CLN6: variants seen among roughly 807,000 people sequenced by gnomAD.
The protein encoded by CLN6 is CLN6 transmembrane ER protein.
In CLN6, 22 loss-of-function variants were observed where a neutral mutation model predicts 33.3. That is an observed-to-expected ratio of 0.66 (90% confidence interval 0.47 to 0.94). The LOEUF is 0.94. Among genes scored for constraint, CLN6 ranks in the 40% least tolerant of loss-of-function variants. CLN6 has a pLI of 0.00. For missense variants in CLN6, 387 were observed against 417.1 expected (o/e 0.93, Z 0.63); for synonymous variants, 201 against 174.6 (o/e 1.15, Z -1.19).
Position 68,207,857 on chromosome 15 carries a change from C to T in CLN6, c.*283G>A. 4.2e-6 allele frequency: 2 copies of T among 478,720 alleles called. No homozygotes were observed. Among genetic ancestry groups the T allele is most frequent in the Non-Finnish European group, 7.7e-6 (2 of 260,936 alleles). The allele number at this position is 478,720 out of a possible 1,614,324, so 29.7% of individuals were successfully genotyped here. On this transcript the variant is annotated 3_prime_UTR_variant, in exon 7 of 7. Coordinates refer to ENST00000249806, the MANE Select transcript of CLN6 (RefSeq NM_017882.3). Reference sequence around the variant, plus strand: ...GGTCAGGTGCAGAGGAGGGCAGGGGCCCGGATCCTGGCCCAGAAACACTCT... The same window carrying T: ...GGTCAGGTGCAGAGGAGGGCAGGGGTCCGGATCCTGGCCCAGAAACACTCT...
At chr15:68,244,971 T>A (rs2141163860) in intron 1 of CLN6, among the ~76,000 whole-genome samples, 1 of 138,382 alleles carries the variant, frequency 7.2e-6, no homozygotes, top group Admixed American at 8.1e-5. Context: ...GGAGAATCAC[T>A]GGGTTGCAAG....
chr15:68,224,249 G>T (rs371530836), intron 1 of CLN6, among the ~76,000 whole-genome samples: 1 of 108,032 alleles, frequency 9.3e-6, no homozygotes, highest in African/African-American at 3.5e-5. Context: ...CTGGGTGACA[G>T]AGTAAGACCT....
rs2093193606 is a variant in CLN6, at chr15:68,208,225, G to C, written c.851C>G (p.Pro284Arg). 1 of 1,613,792 alleles carries C rather than the reference G, an allele frequency of 6.2e-7. No homozygotes were observed. The highest frequency in any genetic ancestry group is 1.7e-5 in the Admixed American group (1 of 59,978). ...ALWVAWLWND[P>R]VLRKKYPGVI... Reference sequence around the variant, plus strand: ...ACCCGGGTACTTCTTCCTGAGAACAGGGTCATTCCACAGCCAGGCGACCCA... The same window carrying C: ...ACCCGGGTACTTCTTCCTGAGAACACGGTCATTCCACAGCCAGGCGACCCA... Residue 284 changes from proline (P) to arginine (R), a missense_variant, in exon 7 of 7, where the codon CCT becomes CGT. Physicochemically the swap from Pro to Arg is moderately radical, Grantham distance 103 (BLOSUM62 -2). Transcript: ENST00000249806. This position sits in a 1 kb window ranked among gnomAD's most constrained non-coding sequence, Gnocchi z 5.8.
At position 68,207,070 on chromosome 15, in the gene CLN6, C is replaced by A. The variant is rs2093188389; in HGVS notation, c.*1070G>T. The A allele has an allele frequency of 6.6e-6, 1 of 152,320 alleles. No homozygotes were observed. The highest frequency in any genetic ancestry group is 1.5e-5 in the Non-Finnish European group (1 of 68,118). 9.4% of individuals were successfully genotyped at this position (152,320 alleles called of 1,614,324 possible). On this transcript the variant is annotated 3_prime_UTR_variant, in exon 7 of 7. Coordinates refer to ENST00000249806, the MANE Select transcript of CLN6 (RefSeq NM_017882.3). ...GGGGCTGACACATCCCTGGGCACCA[C>A]TGTGACTTCCTGTGGGTCCCTTCCC...
At chr15:68,214,742 A>T (rs948916951) in intron 2 of CLN6, 15 of 342,538 alleles carry the variant, frequency 4.4e-5, no homozygotes, top group South Asian at 3.6e-4. Flanking sequence ...TTGTGGCACC[A>T]ACTTGCTGGG....
At position 68,256,586 on chromosome 15, in the gene CLN6, G is replaced by A. The variant is rs1222545553; in HGVS notation, c.179+104C>T. 5.4e-6 allele frequency: 3 copies of A among 550,892 alleles called. No individual in the cohort carries two copies. The highest frequency in any genetic ancestry group is 9.8e-6 in the Non-Finnish European group (3 of 307,470). The allele number at this position is 550,892 out of a possible 1,614,324, so 34.1% of individuals were successfully genotyped here. ...TACTCTCTTTGGGATCCCCACACAC[G>A]TGGCTGGCTTCAGGGGTGTGGGCAG... On this transcript the variant is annotated intron_variant, in intron 1 of 6. Coordinates refer to the CLN6 transcript ENST00000538696. This position sits in a 1 kb window ranked among gnomAD's most constrained non-coding sequence, Gnocchi z 4.1.
rs1057303709 is a variant in CLN6, at chr15:68,242,208, C to A, written c.179+14482G>T. The stretch of plus-strand genomic sequence containing the variant: ...TACAAGATAATACAGAAAATCAATT[C>A]GGAATTTATTAAATTTAACAAAGAT... On this transcript the variant is annotated intron_variant, in intron 1 of 6. Coordinates refer to the CLN6 transcript ENST00000538696. This position sits in a 1 kb window ranked among gnomAD's most constrained non-coding sequence, Gnocchi z 5.0. Among the ~76,000 whole-genome samples the A allele has an allele frequency of 1.3e-5, 2 of 152,040 alleles. No homozygotes were observed. The highest frequency in any genetic ancestry group is 1.5e-5 in the Non-Finnish European group (1 of 68,032).
upstream of CLN6, among the ~76,000 whole-genome samples, chr15:68,230,256 C>G (rs1295540605): frequency 6.6e-6 from 1 of 152,034 alleles, no homozygotes; most frequent in Admixed American, 6.5e-5. This position sits in a 1 kb window ranked among gnomAD's most constrained non-coding sequence, Gnocchi z 4.0. Flanking sequence ...GAGAAGAGTT[C>G]AGGCAGTGGC....
chr15:68,212,936 T>C (rs2093210294), intron 3 of CLN6: 1 of 152,262 alleles, frequency 6.6e-6, no homozygotes, highest in Non-Finnish European at 1.5e-5. Context: ...ATTTTCTTTT[T>C]TGAGACAGAG....
upstream of CLN6, among the ~76,000 whole-genome samples, chr15:68,230,354 C>T (rs995408267): frequency 3.3e-5 from 5 of 152,166 alleles, no homozygotes; most frequent in Admixed American, 2.6e-4. This position sits in a 1 kb window ranked among gnomAD's most constrained non-coding sequence, Gnocchi z 4.0. Flanking sequence ...CATCTTTGAA[C>T]GCATTAAGCT....
chr15:68,224,896 C>A (rs1308916941), intron 1 of CLN6, among the ~76,000 whole-genome samples: 2 of 152,174 alleles, frequency 1.3e-5, no homozygotes, highest in Non-Finnish European at 2.9e-5. Context: ...AGGTTAGACT[C>A]TTCTCTCCTT....
In CLN6 at chr15:68,218,593, G is replaced by C. The variant is rs752361718; in HGVS notation, c.141C>G (p.Leu47=). ...AARTAPFHLD[L]WFYFTLQNWV... ...AGTTCTGCAGTGTGAAGTAGAACCAGAGGTCGAGGTGGAAGGGAGCCGTGC... is the reference window on the plus strand; with the variant it reads ...AGTTCTGCAGTGTGAAGTAGAACCACAGGTCGAGGTGGAAGGGAGCCGTGC... Residue 47 remains leucine, a synonymous_variant, in exon 2 of 7, where the codon CTC becomes CTG. Transcript: ENST00000249806. The C allele has an allele frequency of 1.2e-6, 2 of 1,614,054 alleles. No individual in the cohort carries two copies. The highest frequency in any genetic ancestry group is 1.7e-6 in the Non-Finnish European group (2 of 1,179,974).
upstream of CLN6, among the ~76,000 whole-genome samples, chr15:68,233,721 C>T (rs1488312673): frequency 6.6e-6 from 1 of 152,164 alleles, no homozygotes; most frequent in Middle Eastern, 3.2e-3. The surrounding 1 kb of genome is among the most constrained non-coding windows in gnomAD (Gnocchi z 4.3). Flanking sequence ...CGAAGTGGGA[C>T]CAGGAAAACT....
Position 68,209,433 on chromosome 15 carries a change from C to A in CLN6, c.665+204G>T, listed in dbSNP as rs976714085. 1.3e-5 allele frequency among the ~76,000 whole-genome samples: 2 copies of A among 152,162 alleles called. No individual in the cohort carries two copies. Among genetic ancestry groups the A allele is most frequent in the Non-Finnish European group, 2.9e-5 (2 of 68,020 alleles). On this transcript the variant is annotated intron_variant, in intron 6 of 6. Coordinates refer to ENST00000249806, the MANE Select transcript of CLN6 (RefSeq NM_017882.3). This position sits in a 1 kb window ranked among gnomAD's most constrained non-coding sequence, Gnocchi z 4.9. Reference sequence around the variant, plus strand: ...CTCGCCCTCTCCTCCCACCTCCCTGCCACACCCAGGCCTGGGCTTCATGGA... The same window carrying A: ...CTCGCCCTCTCCTCCCACCTCCCTGACACACCCAGGCCTGGGCTTCATGGA...
At chr15:68,217,511 T>C (rs1480084329) in intron 2 of CLN6, among the ~76,000 whole-genome samples, 2 of 152,224 alleles carry the variant, frequency 1.3e-5, no homozygotes, top group African/African-American at 2.4e-5. Context: ...ATTATAGGCA[T>C]GAGCCACCAT....
chr15:68,230,667 A>T (rs77588007), upstream of CLN6, among the ~76,000 whole-genome samples: 1,744 of 152,228 alleles, frequency 0.011, 32 homozygotes, highest in African/African-American at 0.04. This position sits in a 1 kb window ranked among gnomAD's most constrained non-coding sequence, Gnocchi z 4.0. Context: ...ACTACATTGG[A>T]GTTGTGATGA....
Position 68,211,791 on chromosome 15 carries a change from C to T in CLN6, c.370G>A (p.Ala124Thr), listed in dbSNP as rs1046423746. The T allele has an allele frequency of 6.2e-7, 1 of 1,613,938 alleles. No homozygotes were observed. The highest frequency in any genetic ancestry group is 1.1e-5 in the South Asian group (1 of 91,082). ...YVSIIIFIMG[A>T]SIHLVGDSVN... ...GAGTCACCCACCAGGTGGATGCTGG[C>T]ACCCATGATGAAGATGATGATGCTC... The change falls in exon 4 of 7, where the codon GCC (alanine) becomes ACC (threonine). Residue 124 changes from alanine (A) to threonine (T), a missense_variant. Physicochemically the swap from Ala to Thr is moderately conservative, Grantham distance 58. Coordinates refer to ENST00000249806, the MANE Select transcript of CLN6 (RefSeq NM_017882.3). This position sits in a 1 kb window ranked among gnomAD's most constrained non-coding sequence, Gnocchi z 5.9.
At chr15:68,217,667 G>C (rs1238288929) in intron 2 of CLN6, among the ~76,000 whole-genome samples, 1 of 152,170 alleles carries the variant, frequency 6.6e-6, no homozygotes, top group Non-Finnish European at 1.5e-5. Flanking sequence ...CCAGTAAACT[G>C]AGAGTATAGG....
chr15:68,237,537 G>C (rs1892233290), intron 1 of CLN6, among the ~76,000 whole-genome samples: 1 of 152,076 alleles, frequency 6.6e-6, no homozygotes, highest in South Asian at 2.1e-4. Context: ...CAGTGGACAG[G>C]CTAAACTATA....
Sources: allele counts gnomAD v4.1 joint callset (sites outside exome capture counted in the v4.1 genomes callset), GRCh38; gene constraint gnomAD v4.1.1; non-coding constraint Gnocchi (gnomAD v3.1); transcripts MANE v1.5; gene names NCBI Gene and HGNC (gene_info 2026-07-23, HGNC 2026-07-21).